Variants in ZDHHC14 observed in about 807,000 individuals in gnomAD.
The protein encoded by ZDHHC14 is palmitoyltransferase ZDHHC14.
Under a neutral mutation model 47.7 loss-of-function variants are expected in ZDHHC14, and 16 were observed. The ratio of observed to expected loss-of-function variants is 0.34; its 90% confidence interval spans 0.23 to 0.51. The LOEUF (loss-of-function observed/expected upper bound fraction) is 0.51, where lower values mean the gene tolerates loss of function less well. ZDHHC14 is among the 20% of genes least tolerant of loss of function. The probability of loss-of-function intolerance (pLI) is 0.97; values close to 1 mark genes in which losing one functional copy is unlikely to be tolerated. For missense variants in ZDHHC14, 515 were observed against 662.5 expected (o/e 0.78, Z 2.44); for synonymous variants, 293 against 278.9 (o/e 1.05, Z -0.50).
At chr6:157,638,526 C>G (rs1447280079) in intron 5 of ZDHHC14, among the ~76,000 whole-genome samples, 1 of 151,860 alleles carries the variant, frequency 6.6e-6, no homozygotes, top group Admixed American at 6.5e-5. Flanking sequence ...GGCCCTCTGT[C>G]CACACAGCCA....
chr6:157,450,131 G>T (rs1027376148), intron 1 of ZDHHC14, among the ~76,000 whole-genome samples: 3 of 151,770 alleles, frequency 2.0e-5, no homozygotes, highest in African/African-American at 7.3e-5. Flanking sequence ...GAGGACTTCT[G>T]CTTGGGATGG....
intron 2 of ZDHHC14, among the ~76,000 whole-genome samples, chr6:157,557,701 C>T (rs1782531630): frequency 6.6e-6 from 1 of 152,202 alleles, no homozygotes. Context: ...CTGCAGACTT[C>T]CTCGTTTCAT....
chr6:157,416,806 A>C (rs1017364961), intron 1 of ZDHHC14, among the ~76,000 whole-genome samples: 3 of 81,496 alleles, frequency 3.7e-5, no homozygotes, highest in South Asian at 4.1e-4. Context: ...ATTGTTAGCA[A>C]ATTTTTTTTT....
At chr6:157,591,494 CAT>C (rs1783907365) in intron 2 of ZDHHC14, among the ~76,000 whole-genome samples, 2 of 152,204 alleles carry the variant, frequency 1.3e-5, no homozygotes, top group African/African-American at 4.8e-5. Context: ...ATGTGAAGGA[CAT>C]GTTTGCTTCC....
At chr6:157,645,925 C>A in intron 6 of ZDHHC14, 86 bp downstream of exon 6, 2 of 1,206,390 alleles carry the variant, frequency 1.7e-6, no homozygotes, top group Non-Finnish European at 2.4e-6. Flanking sequence ...TTGAGCCCAG[C>A]TTTTCCCATA....
intron 1 of ZDHHC14, among the ~76,000 whole-genome samples, chr6:157,457,805 C>T (rs1778963232): frequency 6.6e-6 from 1 of 152,218 alleles, no homozygotes; most frequent in African/African-American, 2.4e-5. Flanking sequence ...GCCTCTACCA[C>T]TTGCGCCCTC....
intron 3 of ZDHHC14, among the ~76,000 whole-genome samples, chr6:157,625,934 A>G (rs1562515064): frequency 6.6e-6 from 1 of 152,162 alleles, no homozygotes; most frequent in Admixed American, 6.5e-5. Context: ...CTGGTTTCCC[A>G]AGAAGCTCCC....
intron 1 of ZDHHC14, among the ~76,000 whole-genome samples, chr6:157,414,860 G>A (rs1777942803): frequency 8.2e-6 from 1 of 122,302 alleles, no homozygotes; most frequent in South Asian, 2.5e-4. Flanking sequence ...TTTCTTCACT[G>A]CCTGATGAAA....
At chr6:157,537,971 C>T (rs1781601249) in intron 1 of ZDHHC14, among the ~76,000 whole-genome samples, 1 of 152,190 alleles carries the variant, frequency 6.6e-6, no homozygotes, top group South Asian at 2.1e-4. Flanking sequence ...TTGTCTTTAC[C>T]ACAAGGACTA....
chr6:157,605,765 A>G (rs1156737218), intron 3 of ZDHHC14, among the ~76,000 whole-genome samples: 4 of 152,170 alleles, frequency 2.6e-5, no homozygotes, highest in African/African-American at 9.7e-5. Flanking sequence ...ATGTCCAACA[A>G]TTGGTGTCAA....
chr6:157,625,009 G>T (rs1016991160), intron 3 of ZDHHC14, among the ~76,000 whole-genome samples: 1 of 152,072 alleles, frequency 6.6e-6, no homozygotes, highest in Non-Finnish European at 1.5e-5. Flanking sequence ...TGTGAGAGGC[G>T]GAGGGGGATC....
At chr6:157,464,307 A>G (rs1779159375) in intron 1 of ZDHHC14, among the ~76,000 whole-genome samples, 1 of 152,230 alleles carries the variant, frequency 6.6e-6, no homozygotes. Context: ...TTGTTCTTAA[A>G]TATATATGCT....
intron 1 of ZDHHC14, among the ~76,000 whole-genome samples, chr6:157,433,222 T>G (rs1778373378): frequency 6.6e-6 from 1 of 152,268 alleles, no homozygotes. Flanking sequence ...TAATAAGAAT[T>G]TATAATTGAA....
intron 1 of ZDHHC14, among the ~76,000 whole-genome samples, chr6:157,441,635 T>G (rs191001681): frequency 6.6e-6 from 1 of 152,160 alleles, no homozygotes; most frequent in Non-Finnish European, 1.5e-5. Context: ...GATCAGGAGT[T>G]TGAGACCAGC....
At chr6:157,456,081 C>G (rs1430875866) in intron 1 of ZDHHC14, among the ~76,000 whole-genome samples, 1 of 152,150 alleles carries the variant, frequency 6.6e-6, no homozygotes, top group Non-Finnish European at 1.5e-5. Context: ...TTGCAGATTG[C>G]GCCCTCCGTT....
intron 2 of ZDHHC14, among the ~76,000 whole-genome samples, chr6:157,592,392 C>A (rs188881569): frequency 1.7e-4 from 26 of 152,250 alleles, no homozygotes; most frequent in Admixed American, 1.5e-3. Flanking sequence ...GGTTTCTCCC[C>A]CTCCCATTCT....
At position 157,428,300 on chromosome 6, in the gene ZDHHC14, T is replaced by A. The variant is rs946601128; in HGVS notation, c.245+46034T>A. Among the ~76,000 whole-genome samples, 20 of 152,104 alleles carry A rather than the reference T, an allele frequency of 1.3e-4. 1 individual carries two copies. The highest frequency in any genetic ancestry group is 6.6e-5 in the Admixed American group (1 of 15,264). The stretch of plus-strand genomic sequence containing the variant: ...CCCGACCTTGCCAGCTCCTCTGCCA[T>A]AGAAATCCTCTCAGGAAAGTGGACT... On this transcript the variant is annotated intron_variant, in intron 1 of 8. Transcript: ENST00000359775.
At chr6:157,554,444 T>C (rs1158633758) in intron 2 of ZDHHC14, among the ~76,000 whole-genome samples, 1 of 152,276 alleles carries the variant, frequency 6.6e-6, no homozygotes, top group African/African-American at 2.4e-5. Context: ...TATATTTTAC[T>C]TAAGCCAGAA....
chr6:157,462,786 T>G (rs1322429600), intron 1 of ZDHHC14, among the ~76,000 whole-genome samples: 1 of 152,266 alleles, frequency 6.6e-6, no homozygotes, highest in East Asian at 1.9e-4. Flanking sequence ...CCCCCAGCCC[T>G]GGAGGGCCTG....
Sources: allele counts gnomAD v4.1 joint callset (sites outside exome capture counted in the v4.1 genomes callset), GRCh38; gene constraint gnomAD v4.1.1; transcripts MANE v1.5; gene names NCBI Gene and HGNC (gene_info 2026-07-23, HGNC 2026-07-21).